The following TP53BP1 variants were observed in gnomAD, a reference collection of about 807,000 sequenced individuals.
TP53BP1 encodes the protein tumor protein p53 binding protein 1, also known as TP53-binding protein 1.
In TP53BP1, 61 loss-of-function variants were observed where a neutral mutation model predicts 200.8. The observed-to-expected ratio is 0.30, with a 90% CI of 0.25 to 0.38. TP53BP1 has a LOEUF of 0.38. Ranked by LOEUF, TP53BP1 falls within the 10% of genes least tolerant of loss-of-function variation. The pLI is 1.00. For synonymous variants in TP53BP1, 822 were observed against 844.3 expected (o/e 0.97, Z 0.46); for missense variants, 2,144 against 2,371.9 (o/e 0.90, Z 2.00).
chr15:43,452,421 G>A (rs1191099981), intron 12 of TP53BP1, among the ~76,000 whole-genome samples: 1 of 151,990 alleles, frequency 6.6e-6, no homozygotes, highest in African/African-American at 2.4e-5. Context: ...AGCCAAGCAT[G>A]CTGGTACACG....
At position 43,421,951 on chromosome 15, in the gene TP53BP1, G is replaced by A. The variant is rs774065093; in HGVS notation, c.4004C>T (p.Ser1335Leu). Residue 1335 changes from serine (S) to leucine (L), a missense_variant, in exon 19 of 28, where the codon TCA becomes TTA. Transcript: ENST00000382044. ...SLSAMHSSGS[S>L]GKGAGPLRGK... ...TCTGAGTGGTCCGGCTCCTTTCCCT[G>A]AGCTTCCACTGCTGTGCATAGCTGA... 4 of 1,614,168 alleles carry A rather than the reference G, an allele frequency of 2.5e-6. No individual in the cohort carries two copies. The highest frequency in any genetic ancestry group is 3.4e-6 in the Non-Finnish European group (4 of 1,180,036).
intron 18 of TP53BP1, among the ~76,000 whole-genome samples, chr15:43,423,247 T>C (rs778755887): frequency 1.3e-5 from 2 of 151,216 alleles, no homozygotes; most frequent in African/African-American, 2.4e-5. Flanking sequence ...AGAGAAATTA[T>C]AGCATGAGTA....
intron 21 of TP53BP1, 84 bp from the exon 22 acceptor site, chr15:43,416,500 T>C: frequency 7.4e-7 from 1 of 1,344,072 alleles, no homozygotes; most frequent in Non-Finnish European, 1.0e-6. Context: ...AAAGCAGGCC[T>C]GAGTTAGGGA....
chr15:43,408,380 C>G (rs1284688879), intron 26 of TP53BP1: 3 of 314,828 alleles, frequency 9.5e-6, no homozygotes, highest in Non-Finnish European at 1.8e-5. Context: ...GCTTGGGAGG[C>G]TGAGGTAGGG....
intron 4 of TP53BP1, among the ~76,000 whole-genome samples, chr15:43,481,540 G>A (rs2078966837): frequency 6.6e-6 from 1 of 151,014 alleles, no homozygotes; most frequent in Admixed American, 6.6e-5. Context: ...GTCTGGGCCG[G>A]GCACAGTGGC....
Position 43,456,764 on chromosome 15 carries a change from G to T in TP53BP1, c.1844C>A (p.Thr615Lys), listed in dbSNP as rs141222111. Residue 615 changes from threonine to lysine, a missense_variant, in exon 12 of 28, where the codon ACG becomes AAG. This residue lies in a region of TP53BP1 where 1,700 missense variants were observed against 1,710.3 expected (regional missense o/e 0.99). Coordinates refer to ENST00000382044, the MANE Select transcript of TP53BP1 (RefSeq NM_001141980.3). ...LATGCKGREE[T>K]VAEDVCIDLT... The stretch of plus-strand genomic sequence containing the variant: ...ATCAATACAAACATCTTCTGCTACC[G>T]TTTCTTCTCTGCCCTTGCAACCAGT... 1 of 1,613,974 alleles carries T rather than the reference G, an allele frequency of 6.2e-7. No homozygotes were observed. Among genetic ancestry groups the T allele is most frequent in the Non-Finnish European group, 8.5e-7 (1 of 1,180,034 alleles).
In TP53BP1 at chr15:43,456,744, TACAA is replaced by T. The variant is rs2046307634; in HGVS notation, c.1860_1863del (p.Cys621LeufsTer26). ...CTCCCCGAATCACAAGTGAGATCAA[TACAA>T]ACATCTTCTGCTACCGTTTCTTCTC... On this transcript the variant is annotated frameshift_variant, in exon 12 of 28. Transcript: ENST00000382044. LOFTEE classifies it high-confidence loss of function. The T allele has an allele frequency of 6.2e-7, 1 of 1,613,994 alleles. No homozygotes were observed. The highest frequency in any genetic ancestry group is 1.3e-5 in the African/African-American group (1 of 74,918).
intron 4 of TP53BP1, among the ~76,000 whole-genome samples, chr15:43,483,978 G>C (rs916375883): frequency 1.3e-5 from 2 of 152,168 alleles, no homozygotes; most frequent in African/African-American, 4.8e-5. Context: ...TTATGAGTCT[G>C]CAATTTAAAT....
rs1238436581 is a variant in TP53BP1 at position 43,457,715 on chromosome 15, A to G, written c.1390-497T>C. ...AAAAAAAAAAAAAGCTAGCATTCAT[A>G]AAGCAGGTATTAAAATCCAGTGGCC... On this transcript the variant is annotated intron_variant, in intron 11 of 27. Coordinates refer to ENST00000382044, the MANE Select transcript of TP53BP1 (RefSeq NM_001141980.3). Among the ~76,000 whole-genome samples the G allele has an allele frequency of 2.0e-5, 3 of 150,962 alleles. No homozygotes were observed. In the East Asian group the frequency reaches 5.8e-4, roughly 29 times the overall value.
Position 43,421,963 on chromosome 15 carries a change from C to T in TP53BP1, c.3992G>A (p.Ser1331Asn), listed in dbSNP as rs2045413334. ...SSGTSLSAMH[S>N]SGSSGKGAGP... ...GGCTCCTTTCCCTGAGCTTCCACTG[C>T]TGTGCATAGCTGAGAGACTTGTCCC... The change falls in exon 19 of 28, where the codon AGC (serine) becomes AAC (asparagine). Residue 1331 changes from serine (S) to asparagine (N), a missense_variant. Coordinates refer to ENST00000382044, the MANE Select transcript of TP53BP1 (RefSeq NM_001141980.3). 1 of 1,614,172 alleles carries T rather than the reference C, an allele frequency of 6.2e-7. No individual in the cohort carries two copies. The highest frequency in any genetic ancestry group is 8.5e-7 in the Non-Finnish European group (1 of 1,180,034).
At chr15:43,448,553 T>C (rs2046094782) in intron 12 of TP53BP1, among the ~76,000 whole-genome samples, 1 of 151,854 alleles carries the variant, frequency 6.6e-6, no homozygotes, top group African/African-American at 2.4e-5. Context: ...TTTTTTTTTT[T>C]TTTTGAGACG....
intron 17 of TP53BP1, 47 bp downstream of exon 17, chr15:43,432,147 G>C (rs2045684770): frequency 6.4e-7 from 1 of 1,563,786 alleles, no homozygotes; most frequent in East Asian, 2.3e-5. Flanking sequence ...TGAGAATCCT[G>C]AAAGTTAAAA....
chr15:43,420,563 C>T lies in TP53BP1; in HGVS notation c.4423G>A (p.Ala1475Thr). ...TCTAAGCCATCAGAAGGGCCAGCAG[C>T]AGCCTGGAAAGGAATTTCTGGAGAG... ...SDSPEIPFQA[A>T]AGPSDGLDAS... The change falls in exon 21 of 28, where the codon GCT becomes ACT. Residue 1475 changes from alanine to threonine, a missense_variant. Ala to Thr is a moderately conservative substitution (Grantham distance 58, BLOSUM62 0). This residue lies in a region of TP53BP1 where 49 missense variants were observed against 60.7 expected (regional missense o/e 0.81). Transcript: ENST00000382044. 1 of 1,614,202 alleles carries T rather than the reference C, an allele frequency of 6.2e-7. No individual in the cohort carries two copies.
At position 43,404,218 on chromosome 15, in the gene TP53BP1, C is replaced by T. The variant is rs1270575635; in HGVS notation, c.*3165G>A. ...ATTCCTACTGATGAAAGAGTACTTT[C>T]ATAGGAAGTCATGCATGTATGGATT... is the stretch of plus-strand genomic sequence containing the variant. On this transcript the variant is annotated 3_prime_UTR_variant, in exon 28 of 28. Transcript: ENST00000382044. 1.7e-6 allele frequency: 1 copy of T among 598,132 alleles called. No individual in the cohort carries two copies. The highest frequency in any genetic ancestry group is 2.9e-6 in the Non-Finnish European group (1 of 348,790). 37.1% of individuals were successfully genotyped at this position (598,132 alleles called of 1,614,324 possible).
At chr15:43,469,558 T>C (rs1319681837) in intron 11 of TP53BP1, among the ~76,000 whole-genome samples, 1 of 152,180 alleles carries the variant, frequency 6.6e-6, no homozygotes, top group Non-Finnish European at 1.5e-5. Context: ...AAAATTACAG[T>C]AACAGTTGTG....
rs550239 is a variant in TP53BP1 at position 43,427,999 on chromosome 15, C to T, written c.3828+17G>A. 234,223 of 1,502,670 alleles carry T rather than the reference C, an allele frequency of 0.16. 30,924 individuals are homozygous for T. The highest frequency in any genetic ancestry group is 0.66 in the African/African-American group (46,790 of 70,964). 93.1% of individuals were successfully genotyped at this position (1,502,670 alleles called of 1,614,324 possible). A position where few individuals can be genotyped will look rare whatever the true frequency, so the allele number is the denominator to read the frequency against. On this transcript the variant is annotated intron_variant, in intron 18 of 27. Transcript: ENST00000382044. Reference sequence around the variant, plus strand: ...GAAAGAAAGAAATTTGCCACACAGACTCAGAGTATGTATTACCTCAGTTAC... The same window carrying T: ...GAAAGAAAGAAATTTGCCACACAGATTCAGAGTATGTATTACCTCAGTTAC...
At chr15:43,415,843 C>T in intron 22 of TP53BP1, 34 bp from the exon 23 acceptor site, 1 of 1,587,758 alleles carries the variant, frequency 6.3e-7, no homozygotes, top group Admixed American at 1.7e-5. Flanking sequence ...GTTGGTCAAA[C>T]TCTATGGTAT....
intron 1 of TP53BP1, 79 bp from the exon 2 acceptor site, chr15:43,492,547 G>A (rs2079141172): frequency 1.7e-6 from 2 of 1,172,556 alleles, no homozygotes; most frequent in East Asian, 2.3e-5. Context: ...ATAATGGGGC[G>A]GAAGTACAAG....
intron 14 of TP53BP1, 75 bp from the exon 15 acceptor site, chr15:43,441,658 T>G: frequency 1.1e-6 from 1 of 947,288 alleles, no homozygotes. Context: ...AAACCTTCAC[T>G]CTGCTCTACT....
Sources: allele counts gnomAD v4.1 joint callset (sites outside exome capture counted in the v4.1 genomes callset), GRCh38; gene constraint gnomAD v4.1.1; regional missense constraint gnomAD v4.1.1; transcripts MANE v1.5; gene names NCBI Gene and HGNC (gene_info 2026-07-23, HGNC 2026-07-21).